Variants in LPP observed in about 807,000 individuals in gnomAD.
The protein encoded by LPP is LIM domain containing preferred translocation partner in lipoma.
A neutral mutation model predicts 60.4 loss-of-function variants in LPP; 38 were observed. That is an observed-to-expected ratio of 0.63 (90% CI 0.49 to 0.83). The LOEUF (loss-of-function observed/expected upper bound fraction) is 0.83, where lower values mean the gene tolerates loss of function less well. Among genes scored for constraint, LPP ranks in the 40% least tolerant of loss-of-function variants. The pLI is 0.00. For synonymous variants in LPP, 328 were observed against 290.8 expected (o/e 1.13, Z -1.30); for missense variants, 902 against 783.6 (o/e 1.15, Z -1.80).
chr3:188,783,562 AG>A (rs56993756), intron 9 of LPP, among the ~76,000 whole-genome samples: 95,018 of 151,744 alleles, frequency 0.63, 30,182 homozygotes, highest in East Asian at 0.89. Context: ...TTGAGGGTGG[AG>A]GGGGAGAGGA....
Position 188,760,217 on chromosome 3 carries a change from A to C in LPP, c.1345A>C (p.Asn449His). ...TTGTTTTACCTGCATCATCTGCAAC[A>C]ACAAGCTCCGAGGGCAGCCATTCTA... ...VDCFTCIICN[N>H]KLRGQPFYAV... Residue 449 changes from asparagine (N) to histidine (H), a missense_variant, in exon 9 of 12, where the codon AAC becomes CAC. Asn to His is a moderately conservative substitution (Grantham distance 68). Coordinates refer to ENST00000617246, the MANE Select transcript of LPP (RefSeq NM_001375462.1). 2 of 1,614,158 alleles carry C rather than the reference A, an allele frequency of 1.2e-6. No individual in the cohort carries two copies. The highest frequency in any genetic ancestry group is 2.2e-5 in the South Asian group (2 of 91,074).
intron 2 of LPP, among the ~76,000 whole-genome samples, chr3:188,314,031 G>T (rs1006440908): frequency 6.6e-6 from 1 of 151,966 alleles, no homozygotes; most frequent in Non-Finnish European, 1.5e-5. Context: ...AATTTTTTTT[G>T]AGTTTCTAGT....
chr3:188,434,757 T>C (rs1177484648), intron 4 of LPP, among the ~76,000 whole-genome samples: 2 of 152,196 alleles, frequency 1.3e-5, no homozygotes, highest in Admixed American at 6.5e-5. Context: ...GGCATCCTTT[T>C]CTCACTCTGA....
intron 7 of LPP, among the ~76,000 whole-genome samples, chr3:188,646,355 G>A (rs973455691): frequency 6.6e-6 from 1 of 152,238 alleles, no homozygotes. Context: ...GGCAGTCCTG[G>A]CTACCAGTGA....
chr3:188,168,648 T>C (rs916191610), intron 1 of LPP, among the ~76,000 whole-genome samples: 6 of 152,200 alleles, frequency 3.9e-5, no homozygotes, highest in Non-Finnish European at 4.4e-5. Flanking sequence ...TGAGAAGAAC[T>C]GATGACATAT....
intron 8 of LPP, among the ~76,000 whole-genome samples, chr3:188,757,898 T>TTTTTTTG (rs1553833880): frequency 8.3e-4 from 122 of 146,636 alleles, no homozygotes; most frequent in African/African-American, 2.9e-3. Flanking sequence ...GGTTTTTTTT[T>TTTTTTTG]TTTTTTTTTT....
chr3:188,547,589 T>C (rs114807293), intron 6 of LPP, among the ~76,000 whole-genome samples: 3 of 152,180 alleles, frequency 2.0e-5, no homozygotes, highest in Admixed American at 2.0e-4. Context: ...CAATACACTG[T>C]CTCTTTTTTT....
intron 6 of LPP, among the ~76,000 whole-genome samples, chr3:188,562,045 G>A (rs535611607): frequency 9.5e-5 from 5 of 52,372 alleles, no homozygotes; most frequent in African/African-American, 2.3e-4. Flanking sequence ...TTATAATCAC[G>A]CACACACAGA....
chr3:188,871,897 ACATATG>A (rs896503544), intron 10 of LPP, among the ~76,000 whole-genome samples: 7 of 152,176 alleles, frequency 4.6e-5, no homozygotes, highest in Admixed American at 3.9e-4. Flanking sequence ...AGCCTCAAAA[ACATATG>A]CATATGCATA....
intron 6 of LPP, among the ~76,000 whole-genome samples, chr3:188,600,849 GCTTCAAGCTTAATCT>G: frequency 6.6e-6 from 1 of 151,784 alleles, no homozygotes; most frequent in South Asian, 2.1e-4. Flanking sequence ...GTTTCTTCAA[GCTTCAAGCTTAATCT>G]CTTCAAGCTT....
chr3:188,505,799 T>C (rs1337152449), intron 5 of LPP, among the ~76,000 whole-genome samples: 2 of 152,198 alleles, frequency 1.3e-5, no homozygotes, highest in Admixed American at 6.5e-5. Flanking sequence ...TTGCCTTCAT[T>C]CTATCTTTTT....
intron 9 of LPP, among the ~76,000 whole-genome samples, chr3:188,783,067 T>C (rs1740337095): frequency 6.6e-6 from 1 of 152,146 alleles, no homozygotes; most frequent in South Asian, 2.1e-4. Context: ...GGTCCCTTTT[T>C]CCCCTGTCTT....
intron 5 of LPP, among the ~76,000 whole-genome samples, chr3:188,501,610 G>A (rs538163254): frequency 1.5e-3 from 225 of 152,272 alleles, no homozygotes; most frequent in South Asian, 2.9e-3. Context: ...TTAGCCGGGC[G>A]TGGTGGCGGG....
chr3:188,603,442 A>G (rs576230446), intron 6 of LPP, among the ~76,000 whole-genome samples: 4 of 152,160 alleles, frequency 2.6e-5, no homozygotes, highest in African/African-American at 9.6e-5. Flanking sequence ...CTATGCAGCC[A>G]GATGACCCAG....
chr3:188,599,484 G>A (rs1164604410), intron 6 of LPP, among the ~76,000 whole-genome samples: 1 of 152,046 alleles, frequency 6.6e-6, no homozygotes, highest in African/African-American at 2.4e-5. Flanking sequence ...GTCTCTAGAA[G>A]TCCAGGGAGA....
At chr3:188,415,414 T>A (rs1171099195) in intron 4 of LPP, among the ~76,000 whole-genome samples, 1 of 152,038 alleles carries the variant, frequency 6.6e-6, no homozygotes, top group Non-Finnish European at 1.5e-5. Flanking sequence ...ACCATATGAC[T>A]CAGCAAATAT....
intron 5 of LPP, among the ~76,000 whole-genome samples, chr3:188,495,082 A>ATATATATATATATATATTT (rs1342207321): frequency 1.0e-5 from 1 of 97,234 alleles, no homozygotes. Flanking sequence ...ATATATATAT[A>ATATATATATATATATATTT]TTTTATTTAT....
chr3:188,524,977 T>TTTTTTTTTTGATGGAGTC (rs1820165211), intron 6 of LPP, among the ~76,000 whole-genome samples, 190 bp downstream of exon 6: 3 of 149,662 alleles, frequency 2.0e-5, no homozygotes, highest in Admixed American at 6.7e-5. Context: ...TTCTCTTTTT[T>TTTTTTTTTTGATGGAGTC]TTTTTTTTTG....
At chr3:188,818,449 G>A (rs1260003784) in intron 9 of LPP, among the ~76,000 whole-genome samples, 1 of 152,132 alleles carries the variant, frequency 6.6e-6, no homozygotes, top group African/African-American at 2.4e-5. Context: ...AGATTACGTA[G>A]TGTCTGTGAC....
Sources: allele counts gnomAD v4.1 joint callset (sites outside exome capture counted in the v4.1 genomes callset), GRCh38; gene constraint gnomAD v4.1.1; transcripts MANE v1.5; gene names NCBI Gene and HGNC (gene_info 2026-07-23, HGNC 2026-07-21).